Variants in PCDHGA3 observed in about 807,000 individuals in gnomAD.
PCDHGA3 encodes protocadherin gamma subfamily A, 3, also known as protocadherin gamma-A3.
In PCDHGA3, 40 loss-of-function variants were observed where a neutral mutation model predicts 58.5. The observed-to-expected ratio is 0.68, with a 90% CI of 0.53 to 0.89. PCDHGA3 has a LOEUF of 0.89. PCDHGA3 is among the 40% of genes least tolerant of loss of function. PCDHGA3 has a pLI of 0.00. For missense variants in PCDHGA3, 1,223 were observed against 1,195.9 expected (o/e 1.02, Z -0.33); for synonymous variants, 530 against 525.7 (o/e 1.01, Z -0.11).
intron 1 of PCDHGA3, chr5:141,385,250 G>C (rs1448897004): frequency 6.2e-7 from 1 of 1,613,820 alleles, no homozygotes. Context: ...AGCCAGGAGA[G>C]CTGTGAGAAA....
intron 1 of PCDHGA3, among the ~76,000 whole-genome samples, chr5:141,459,184 G>GC (rs2098963022): frequency 6.6e-6 from 1 of 152,134 alleles, no homozygotes; most frequent in South Asian, 2.1e-4. Flanking sequence ...GTTCCCTCAT[G>GC]CCCCTTTGCA....
At chr5:141,362,039 G>A (rs1434989183) in intron 1 of PCDHGA3, 1 of 1,610,428 alleles carries the variant, frequency 6.2e-7, no homozygotes, top group Admixed American at 1.7e-5. Flanking sequence ...TTGGGCGACA[G>A]GGACGCGGCC....
intron 1 of PCDHGA3, chr5:141,355,815 G>A (rs377468694): frequency 5.0e-6 from 8 of 1,613,094 alleles, no homozygotes; most frequent in South Asian, 2.2e-5. Context: ...GCGAGGAAGA[G>A]GCGGTTCACC....
chr5:141,421,161 T>C (rs2096550274), intron 1 of PCDHGA3: 7 of 1,259,920 alleles, frequency 5.6e-6, no homozygotes, highest in Non-Finnish European at 7.5e-6. Flanking sequence ...TAGGACTTCA[T>C]AGATACATAA....
At chr5:141,395,358 G>C in intron 1 of PCDHGA3, 1 of 1,346,158 alleles carries the variant, frequency 7.4e-7, no homozygotes, top group Non-Finnish European at 9.9e-7. Flanking sequence ...ACAGAGTTTT[G>C]GGTTTATTTT....
chr5:141,360,998 T>C, intron 1 of PCDHGA3: 1 of 1,613,390 alleles, frequency 6.2e-7, no homozygotes, highest in Non-Finnish European at 8.5e-7. Context: ...GACGAACAAG[T>C]GAAACACTTT....
chr5:141,408,013 CCA>C, intron 1 of PCDHGA3: 1 of 989,288 alleles, frequency 1.0e-6, no homozygotes, highest in Non-Finnish European at 1.4e-6. Flanking sequence ...CCCTGCGCAG[CCA>C]ACAACAGAAA....
intron 1 of PCDHGA3, chr5:141,357,312 C>T: frequency 1.2e-6 from 2 of 1,614,090 alleles, no homozygotes; most frequent in Non-Finnish European, 1.7e-6. Context: ...CCTGCGTCTT[C>T]CTGGCTTTTG....
At chr5:141,418,029 G>A (rs775326655) in intron 1 of PCDHGA3, 1 of 1,614,022 alleles carries the variant, frequency 6.2e-7, no homozygotes, top group Non-Finnish European at 8.5e-7. Context: ...CTAGGGCTTA[G>A]TGTCCTGGAT....
At chr5:141,408,524 G>A (rs1589673864) in intron 1 of PCDHGA3, 3 of 1,614,080 alleles carry the variant, frequency 1.9e-6, no homozygotes, top group Non-Finnish European at 1.7e-6. Context: ...GCAATTGGAA[G>A]CTGTGGTGGA....
At chr5:141,466,036 G>A (rs981390655) in intron 1 of PCDHGA3, among the ~76,000 whole-genome samples, 17 of 152,064 alleles carry the variant, frequency 1.1e-4, no homozygotes, top group Non-Finnish European at 2.5e-4. Flanking sequence ...GCAGGAGAAC[G>A]GCATGAACCC....
chr5:141,479,003 C>T (rs2099485569), intron 1 of PCDHGA3, among the ~76,000 whole-genome samples: 1 of 152,176 alleles, frequency 6.6e-6, no homozygotes, highest in South Asian at 2.1e-4. Context: ...AAACTAATAG[C>T]TTTTTGATAA....
chr5:141,360,200 T>A lies in PCDHGA3; in HGVS notation c.2424+13743T>A, dbSNP rs1252813775. The A allele has an allele frequency of 2.5e-6, 4 of 1,612,720 alleles. No individual in the cohort carries two copies. The Admixed American group carries it at 6.7e-5, about 27-fold the overall frequency. ...CTGCAGGTACTGTTGCCCTTCCTGTTGTCTTTGTTCCCCGGGGCTCTCCCA... is the reference window on the plus strand; with the variant it reads ...CTGCAGGTACTGTTGCCCTTCCTGTAGTCTTTGTTCCCCGGGGCTCTCCCA... On this transcript the variant is annotated intron_variant, in intron 1 of 3. Transcript: ENST00000253812.
intron 1 of PCDHGA3, chr5:141,361,229 T>C: frequency 6.2e-7 from 1 of 1,613,992 alleles, no homozygotes. Flanking sequence ...CCAGGAACAG[T>C]GATCGCCTTG....
intron 1 of PCDHGA3, chr5:141,478,354 C>G (rs141625672): frequency 2.8e-5 from 45 of 1,613,660 alleles, no homozygotes; most frequent in Non-Finnish European, 3.2e-5. Flanking sequence ...ACGCGGACGC[C>G]GTGCGGGGAG....
In PCDHGA3 at chr5:141,489,948, T is replaced by C; in HGVS notation, c.2425-4859T>C. 2 of 1,614,210 alleles carry C rather than the reference T, an allele frequency of 1.2e-6. No individual in the cohort carries two copies. Among genetic ancestry groups the C allele is most frequent in the Non-Finnish European group, 1.7e-6 (2 of 1,180,030 alleles). On this transcript the variant is annotated intron_variant, in intron 1 of 3. Coordinates refer to ENST00000253812, the MANE Select transcript of PCDHGA3 (RefSeq NM_018916.4). The surrounding 1 kb of genome is among the most constrained non-coding windows in gnomAD (Gnocchi z 4.5). ...TCTCTGTCATCGTGCTGGACATCAA[T>C]GATAATGCTCCAACCTTCCAATCCT...
chr5:141,458,593 C>T (rs1352799952), intron 1 of PCDHGA3, among the ~76,000 whole-genome samples: 4 of 151,402 alleles, frequency 2.6e-5, no homozygotes, highest in Non-Finnish European at 5.9e-5. Flanking sequence ...GTTTTGGAGA[C>T]GAGTCTCACT....
At position 141,511,241 on chromosome 5, in the gene PCDHGA3, C is replaced by G; in HGVS notation, c.*68C>G. ...CCAGCCCAGCTTCTCCTTACCTGCA[C>G]CCAGGCCTCAGAGTTTCAGGGCTAA... On this transcript the variant is annotated 3_prime_UTR_variant, in exon 4 of 4. Transcript: ENST00000253812. 1 of 1,585,214 alleles carries G rather than the reference C, an allele frequency of 6.3e-7. No individual in the cohort carries two copies. The highest frequency in any genetic ancestry group is 1.1e-5 in the South Asian group (1 of 87,760).
At chr5:141,392,760 A>C in intron 1 of PCDHGA3, 1 of 1,475,092 alleles carries the variant, frequency 6.8e-7, no homozygotes, top group Non-Finnish European at 9.0e-7. Context: ...GAAACTAAAT[A>C]AGACCCATTT....
Sources: gnomAD v4.1 joint callset for allele counts (sites outside exome capture counted in the v4.1 genomes callset) on GRCh38, gnomAD v4.1.1 for gene constraint, Gnocchi (gnomAD v3.1) non-coding constraint, MANE v1.5 for transcripts, NCBI Gene and HGNC (gene_info 2026-07-23, HGNC 2026-07-21) for gene names.